Variants in CSMD1 observed in about 807,000 individuals in gnomAD.
CSMD1 encodes CUB and sushi domain-containing protein 1.
Under a neutral mutation model 417.5 loss-of-function variants are expected in CSMD1, and 213 were observed. That is an observed-to-expected ratio of 0.51 (90% CI 0.46 to 0.57). CSMD1 has a LOEUF of 0.57. Ranked by LOEUF, CSMD1 falls within the 20% of genes least tolerant of loss-of-function variation. The probability of loss-of-function intolerance (pLI) is 0.00; values close to 1 mark genes in which losing one functional copy is unlikely to be tolerated. For missense variants in CSMD1, 6,923 were observed against 4,529.7 expected (o/e 1.53, Z -15.17); for synonymous variants, 2,862 against 1,736.8 (o/e 1.65, Z -16.11).
intron 7 of CSMD1, among the ~76,000 whole-genome samples, chr8:3,629,419 G>A (rs9644348): frequency 6.6e-6 from 1 of 151,868 alleles, no homozygotes; most frequent in Non-Finnish European, 1.5e-5. Context: ...ATATATAAGG[G>A]CTTTCTCCCT....
At chr8:3,507,776 T>C (rs189509963) in intron 10 of CSMD1, among the ~76,000 whole-genome samples, 86 of 152,294 alleles carry the variant, frequency 5.6e-4, no homozygotes, top group African/African-American at 1.8e-3. Context: ...CATTTTTTCA[T>C]GTGTTTTTTT....
At chr8:3,823,562 C>A (rs1306914155) in intron 5 of CSMD1, among the ~76,000 whole-genome samples, 1 of 151,938 alleles carries the variant, frequency 6.6e-6, no homozygotes, top group African/African-American at 2.4e-5. Flanking sequence ...AAAAAATTTA[C>A]AATTATAATG....
chr8:4,931,578 A>C (rs1223778185), intron 1 of CSMD1, among the ~76,000 whole-genome samples: 1 of 151,982 alleles, frequency 6.6e-6, no homozygotes, highest in Admixed American at 6.6e-5. Flanking sequence ...TTCAAGAAAA[A>C]AGTCTGGTTT....
intron 49 of CSMD1, among the ~76,000 whole-genome samples, chr8:3,064,470 C>T (rs56225674): frequency 0.25 from 37,584 of 152,168 alleles, 5,476 homozygotes; most frequent in East Asian, 0.34. Context: ...AGCCACGTTT[C>T]CTGTACAGCC....
At chr8:2,969,451 T>G (rs553907262) in intron 57 of CSMD1, among the ~76,000 whole-genome samples, 101 of 152,342 alleles carry the variant, frequency 6.6e-4, no homozygotes, top group African/African-American at 2.4e-3. Flanking sequence ...AAATTTGATT[T>G]AATGTGAAGG....
At position 3,208,392 on chromosome 8, in the gene CSMD1, G is replaced by A. The variant is rs562190289; in HGVS notation, c.4868-2772C>T. On this transcript the variant is annotated intron_variant, in intron 30 of 69. Coordinates refer to ENST00000635120, the MANE Select transcript of CSMD1 (RefSeq NM_033225.6). ...AGTGATTCTCCTGCCTCAACCTCCC[G>A]AGCAGCAGGGACTACAGGTGCACAC... is the stretch of plus-strand genomic sequence containing the variant. 5.3e-5 allele frequency among the ~76,000 whole-genome samples: 8 copies of A among 152,008 alleles called. No homozygotes were observed. The East Asian group carries it at 5.8e-4, about 11-fold the overall frequency.
intron 5 of CSMD1, among the ~76,000 whole-genome samples, chr8:3,958,638 G>T: frequency 6.6e-6 from 1 of 152,188 alleles, no homozygotes; most frequent in South Asian, 2.1e-4. Flanking sequence ...ACCACATATT[G>T]TAAAATACAA....
intron 2 of CSMD1, among the ~76,000 whole-genome samples, chr8:4,465,228 CTG>C (rs1370133520): frequency 1.3e-5 from 2 of 152,124 alleles, no homozygotes; most frequent in Non-Finnish European, 2.9e-5. Flanking sequence ...CACATTTGCT[CTG>C]AAGTTTGAGT....
chr8:4,711,002 C>T (rs866670506), intron 1 of CSMD1, among the ~76,000 whole-genome samples: 2 of 151,866 alleles, frequency 1.3e-5, no homozygotes, highest in Admixed American at 6.6e-5. Flanking sequence ...TGTGAGGTGA[C>T]GGACAGATGT....
intron 2 of CSMD1, among the ~76,000 whole-genome samples, chr8:4,463,423 C>G (rs1799962549): frequency 6.6e-6 from 1 of 152,112 alleles, no homozygotes; most frequent in Non-Finnish European, 1.5e-5. Context: ...ACAGCTAGTT[C>G]TATACTTAAA....
chr8:3,517,143 T>C (rs1797314358), intron 10 of CSMD1, among the ~76,000 whole-genome samples: 1 of 152,304 alleles, frequency 6.6e-6, no homozygotes, highest in Admixed American at 6.5e-5. Context: ...CCTCCTGCAG[T>C]GTGCTCCTCA....
chr8:4,036,564 T>C (rs1035047681), intron 3 of CSMD1, among the ~76,000 whole-genome samples: 1 of 152,192 alleles, frequency 6.6e-6, no homozygotes, highest in Non-Finnish European at 1.5e-5. Flanking sequence ...CTGTTCAATT[T>C]CATCAATTTA....
chr8:3,738,962 G>T (rs1796662431), intron 6 of CSMD1, among the ~76,000 whole-genome samples: 1 of 152,112 alleles, frequency 6.6e-6, no homozygotes. Context: ...GCACAAAAAG[G>T]TGTGTTCAAA....
chr8:4,084,584 C>T (rs1363151777), intron 3 of CSMD1, among the ~76,000 whole-genome samples: 1 of 152,020 alleles, frequency 6.6e-6, no homozygotes, highest in East Asian at 1.9e-4. Context: ...CTTAATCAAC[C>T]TTGTTGGGAG....
intron 3 of CSMD1, among the ~76,000 whole-genome samples, chr8:4,201,358 G>T (rs955276615): frequency 6.6e-6 from 1 of 151,968 alleles, no homozygotes; most frequent in Non-Finnish European, 1.5e-5. Context: ...GTAACACGGT[G>T]AAACCCCATC....
chr8:3,219,911 T>C (rs918846318), intron 28 of CSMD1, among the ~76,000 whole-genome samples: 4 of 152,170 alleles, frequency 2.6e-5, no homozygotes, highest in Admixed American at 2.6e-4. Context: ...TTACTGACTA[T>C]TCTTACTTTT....
intron 1 of CSMD1, among the ~76,000 whole-genome samples, chr8:4,707,567 A>G (rs1808019844): frequency 6.6e-6 from 1 of 152,060 alleles, no homozygotes; most frequent in African/African-American, 2.4e-5. Flanking sequence ...CTAAATTCCC[A>G]GGTTTTTACT....
intron 63 of CSMD1, among the ~76,000 whole-genome samples, chr8:2,956,990 T>C (rs1169021400): frequency 6.7e-6 from 1 of 150,210 alleles, no homozygotes; most frequent in African/African-American, 2.5e-5. Flanking sequence ...TCACACCTTA[T>C]ATACTGAGAT....
At chr8:4,720,182 A>G (rs919228921) in intron 1 of CSMD1, among the ~76,000 whole-genome samples, 1 of 150,826 alleles carries the variant, frequency 6.6e-6, no homozygotes, top group Non-Finnish European at 1.5e-5. Flanking sequence ...ATATATATAT[A>G]TATTTATATT....
Sources: gnomAD v4.1 joint callset for allele counts (sites outside exome capture counted in the v4.1 genomes callset) on GRCh38, gnomAD v4.1.1 for gene constraint, MANE v1.5 for transcripts, NCBI Gene and HGNC (gene_info 2026-07-23, HGNC 2026-07-21) for gene names.